Variants in SDK1 observed in about 807,000 individuals in gnomAD.
SDK1 encodes the protein protein sidekick-1.
In SDK1, 157 loss-of-function variants were observed where a neutral mutation model predicts 245.5. That is an observed-to-expected ratio of 0.64 (90% confidence interval 0.56 to 0.73). The LOEUF is 0.73. Ranked by LOEUF, SDK1 falls within the 30% of genes least tolerant of loss-of-function variation. The pLI is 0.00. For missense variants in SDK1, 3,583 were observed against 3,002.3 expected (o/e 1.19, Z -4.52); for synonymous variants, 1,647 against 1,278.5 (o/e 1.29, Z -6.15).
intron 1 of SDK1, among the ~76,000 whole-genome samples, chr7:3,358,159 C>G (rs983927421): frequency 2.0e-5 from 3 of 152,056 alleles, no homozygotes; most frequent in Admixed American, 6.5e-5. Flanking sequence ...GTAGCTCAGA[C>G]TACAGGCCCA....
At chr7:3,965,704 G>A (rs962368965) in intron 9 of SDK1, among the ~76,000 whole-genome samples, 5 of 152,082 alleles carry the variant, frequency 3.3e-5, no homozygotes, top group South Asian at 2.1e-4. Context: ...AGTGAAGGAC[G>A]AGATGACTCC....
intron 3 of SDK1, among the ~76,000 whole-genome samples, chr7:3,640,149 G>A (rs780946902): frequency 6.6e-6 from 1 of 152,032 alleles, no homozygotes; most frequent in Non-Finnish European, 1.5e-5. Flanking sequence ...GAGTGAGCTT[G>A]GCTTGTTTTA....
chr7:3,989,102 C>A (rs1435537007), intron 14 of SDK1, among the ~76,000 whole-genome samples: 1 of 152,190 alleles, frequency 6.6e-6, no homozygotes, highest in African/African-American at 2.4e-5. Flanking sequence ...CCTCTGTTAT[C>A]CTATCTGTAT....
At chr7:4,110,376 C>G (rs1477481438) in intron 22 of SDK1, among the ~76,000 whole-genome samples, 1 of 152,218 alleles carries the variant, frequency 6.6e-6, no homozygotes, top group African/African-American at 2.4e-5. Context: ...TCCAAGCCCT[C>G]AGAGGTTTGT....
intron 1 of SDK1, among the ~76,000 whole-genome samples, chr7:3,435,061 T>A (rs1779978384): frequency 6.6e-6 from 1 of 152,202 alleles, no homozygotes; most frequent in South Asian, 2.1e-4. Flanking sequence ...TACCAAATTA[T>A]GTAATTCTTT....
At chr7:3,990,308 T>G (rs1377452565) in intron 14 of SDK1, among the ~76,000 whole-genome samples, 2 of 152,118 alleles carry the variant, frequency 1.3e-5, no homozygotes, top group East Asian at 3.9e-4. Context: ...GAGGCCGGAG[T>G]CCAGGCCCTT....
chr7:3,655,448 A>AATATATATATATATAT (rs1194322286), intron 4 of SDK1, among the ~76,000 whole-genome samples: 2 of 66,326 alleles, frequency 3.0e-5, no homozygotes, highest in African/African-American at 7.5e-5. Flanking sequence ...AAACAAAACA[A>AATATATATATATATAT]ATATATATAT....
At chr7:4,249,930 A>G (rs577495507) in intron 44 of SDK1, among the ~76,000 whole-genome samples, 1 of 152,310 alleles carries the variant, frequency 6.6e-6, no homozygotes, top group East Asian at 1.9e-4. Flanking sequence ...AGTGGGTTTC[A>G]GTACATTCAC....
intron 8 of SDK1, among the ~76,000 whole-genome samples, chr7:3,959,377 A>G (rs184659186): frequency 1.6e-4 from 25 of 152,064 alleles, no homozygotes; most frequent in Non-Finnish European, 2.5e-4. Flanking sequence ...TTTCTCATCC[A>G]TGGGGTGACT....
chr7:3,964,257 A>G (rs555967854), intron 9 of SDK1, among the ~76,000 whole-genome samples: 132 of 152,186 alleles, frequency 8.7e-4, no homozygotes, highest in African/African-American at 2.7e-3. Context: ...CTGTGGGGAA[A>G]CTGCTGAGGC....
At chr7:3,336,777 C>T (rs1780211530) in intron 1 of SDK1, among the ~76,000 whole-genome samples, 1 of 152,202 alleles carries the variant, frequency 6.6e-6, no homozygotes, top group South Asian at 2.1e-4. Context: ...GTTGGAGCCA[C>T]ACTTTGGCTG....
intron 1 of SDK1, among the ~76,000 whole-genome samples, chr7:3,493,750 T>G (rs571964947): frequency 6.6e-6 from 1 of 152,340 alleles, no homozygotes; most frequent in East Asian, 1.9e-4. Flanking sequence ...TTGATCATCC[T>G]TTCTCACTTA....
intron 5 of SDK1, among the ~76,000 whole-genome samples, chr7:3,871,716 A>G (rs1483813060): frequency 6.6e-6 from 1 of 152,298 alleles, no homozygotes; most frequent in Admixed American, 6.5e-5. Flanking sequence ...GGAACTAAGT[A>G]TAGTGAATGA....
chr7:3,896,500 A>C (rs891306108), intron 5 of SDK1, among the ~76,000 whole-genome samples: 4 of 152,088 alleles, frequency 2.6e-5, no homozygotes, highest in Admixed American at 2.0e-4. Flanking sequence ...CTTCTGTGGC[A>C]TTTTTCTCCA....
chr7:4,095,038 C>T (rs1159551805), intron 22 of SDK1, among the ~76,000 whole-genome samples: 1 of 152,216 alleles, frequency 6.6e-6, no homozygotes, highest in African/African-American at 2.4e-5. Flanking sequence ...GAGGGTGTGA[C>T]TTCCTCCAGG....
intron 5 of SDK1, among the ~76,000 whole-genome samples, chr7:3,947,793 T>A (rs1297443308): frequency 2.6e-5 from 4 of 152,032 alleles, no homozygotes; most frequent in African/African-American, 7.2e-5. Context: ...AGCTCATCTG[T>A]TGTAGCAGAA....
At chr7:3,897,071 T>C (rs1234320028) in intron 5 of SDK1, among the ~76,000 whole-genome samples, 1 of 152,080 alleles carries the variant, frequency 6.6e-6, no homozygotes, top group East Asian at 1.9e-4. Flanking sequence ...GAGAATTCTA[T>C]CATGAAAGCA....
chr7:3,457,784 C>G (rs967005894), intron 1 of SDK1, among the ~76,000 whole-genome samples: 11 of 152,166 alleles, frequency 7.2e-5, no homozygotes, highest in African/African-American at 2.7e-4. Context: ...ACCACCTTCT[C>G]CCTGTCTCCT....
At chr7:3,908,612 G>A (rs61540848) in intron 5 of SDK1, among the ~76,000 whole-genome samples, 6 of 151,944 alleles carry the variant, frequency 3.9e-5, no homozygotes, top group African/African-American at 9.7e-5. Flanking sequence ...TAAATATTCC[G>A]CAAGTACTCA....
Sources: allele counts gnomAD v4.1 joint callset (sites outside exome capture counted in the v4.1 genomes callset), GRCh38; gene constraint gnomAD v4.1.1; transcripts MANE v1.5; gene names NCBI Gene and HGNC (gene_info 2026-07-23, HGNC 2026-07-21).